CTNNA2: variants seen among roughly 807,000 people sequenced by gnomAD.
CTNNA2 encodes the protein catenin alpha-2.
Under a neutral mutation model 101.0 loss-of-function variants are expected in CTNNA2, and 42 were observed. The ratio of observed to expected loss-of-function variants is 0.42; its 90% CI spans 0.32 to 0.54. CTNNA2 has a LOEUF of 0.54. CTNNA2 is among the 20% of genes least tolerant of loss of function. The probability of loss-of-function intolerance (pLI) is 0.14; values close to 1 mark genes in which losing one functional copy is unlikely to be tolerated. For missense variants in CTNNA2, 871 were observed against 1,223.1 expected (o/e 0.71, Z 4.29); for synonymous variants, 450 against 456.4 (o/e 0.99, Z 0.18).
At chr2:79,817,191 AC>A (rs1677579671) in intron 3 of CTNNA2, among the ~76,000 whole-genome samples, 1 of 151,922 alleles carries the variant, frequency 6.6e-6, no homozygotes, top group African/African-American at 2.4e-5. Flanking sequence ...TCCCCCTACC[AC>A]AACCTCACAA....
At chr2:80,369,145 GC>G (rs757795971) in intron 7 of CTNNA2, among the ~76,000 whole-genome samples, 1 of 152,054 alleles carries the variant, frequency 6.6e-6, no homozygotes, top group Non-Finnish European at 1.5e-5. Flanking sequence ...AGTGAGAGGT[GC>G]CTGGGCAGAT....
At chr2:80,491,615 A>G (rs574583081) in intron 9 of CTNNA2, among the ~76,000 whole-genome samples, 8 of 152,334 alleles carry the variant, frequency 5.3e-5, no homozygotes, top group African/African-American at 1.7e-4. Context: ...AGAGGCAATT[A>G]GCTTTCCAGG....
intron 1 of CTNNA2, among the ~76,000 whole-genome samples, chr2:79,619,815 A>G (rs1392289820): frequency 2.0e-5 from 3 of 152,194 alleles, no homozygotes; most frequent in Non-Finnish European, 2.9e-5. Context: ...TTACACTTAA[A>G]TCCAGACATT....
chr2:79,779,446 T>G (rs1363707528), intron 3 of CTNNA2, among the ~76,000 whole-genome samples: 1 of 152,198 alleles, frequency 6.6e-6, no homozygotes, highest in Non-Finnish European at 1.5e-5. Flanking sequence ...ACTGCCTGCC[T>G]AGAGCATATA....
intron 4 of CTNNA2, among the ~76,000 whole-genome samples, chr2:79,387,624 G>A (rs538505616): frequency 2.2e-4 from 34 of 152,288 alleles, no homozygotes; most frequent in South Asian, 1.0e-3. Flanking sequence ...GGTTGGCACC[G>A]ACACTTCCAA....
At chr2:79,702,438 T>G (rs1378978940) in intron 2 of CTNNA2, among the ~76,000 whole-genome samples, 6 of 152,152 alleles carry the variant, frequency 3.9e-5, no homozygotes, top group Non-Finnish European at 8.8e-5. Context: ...CCTGAAAGAT[T>G]TGCTGTCTGG....
At chr2:80,529,356 T>C (rs1224477806) in intron 9 of CTNNA2, among the ~76,000 whole-genome samples, 2 of 152,220 alleles carry the variant, frequency 1.3e-5, no homozygotes, top group African/African-American at 2.4e-5. Context: ...TCATAGTTTA[T>C]AACTAAATAC....
At chr2:80,490,284 C>CA (rs200724584) in intron 9 of CTNNA2, among the ~76,000 whole-genome samples, 2 of 87,756 alleles carry the variant, frequency 2.3e-5, no homozygotes, top group Non-Finnish European at 3.9e-5. Flanking sequence ...CCCCCCACCC[C>CA]CCCCCCGGTA....
chr2:79,478,577 C>T (rs978658347), intron 4 of CTNNA2, among the ~76,000 whole-genome samples: 7 of 152,144 alleles, frequency 4.6e-5, no homozygotes, highest in African/African-American at 1.7e-4. Context: ...GCTTATGTTA[C>T]TTACCCAATT....
chr2:79,838,799 T>A (rs985690915), intron 3 of CTNNA2, among the ~76,000 whole-genome samples: 5 of 152,058 alleles, frequency 3.3e-5, no homozygotes, highest in African/African-American at 1.2e-4. Flanking sequence ...GTACTTTACA[T>A]GAATTCCGTG....
chr2:79,286,759 C>T (rs1431182745), intron 2 of CTNNA2, among the ~76,000 whole-genome samples: 8 of 151,968 alleles, frequency 5.3e-5, no homozygotes, highest in Admixed American at 4.6e-4. Context: ...CGAGGAGTAT[C>T]TTTGTGGCGT....
At chr2:80,134,144 C>A (rs1702562123) in intron 7 of CTNNA2, among the ~76,000 whole-genome samples, 1 of 152,114 alleles carries the variant, frequency 6.6e-6, no homozygotes, top group Admixed American at 6.6e-5. Flanking sequence ...TATTCTTCAA[C>A]TCTAGCTTCA....
intron 4 of CTNNA2, among the ~76,000 whole-genome samples, chr2:79,435,580 C>T (rs1221997635): frequency 6.6e-6 from 1 of 152,052 alleles, no homozygotes. Context: ...CTGGGTTATC[C>T]CTCTCAGATG....
At chr2:79,243,588 A>G (rs982200486) in intron 2 of CTNNA2, among the ~76,000 whole-genome samples, 2 of 152,214 alleles carry the variant, frequency 1.3e-5, no homozygotes, top group African/African-American at 4.8e-5. Context: ...GTGAAAACAC[A>G]AATACGTTTC....
intron 9 of CTNNA2, among the ~76,000 whole-genome samples, chr2:80,474,341 A>G (rs1177402943): frequency 6.6e-6 from 1 of 150,778 alleles, no homozygotes; most frequent in Non-Finnish European, 1.5e-5. Context: ...TCATGGTGCT[A>G]CACTGCCAGC....
At chr2:79,299,492 C>T (rs746332986) in intron 2 of CTNNA2, among the ~76,000 whole-genome samples, 5 of 152,114 alleles carry the variant, frequency 3.3e-5, no homozygotes, top group Non-Finnish European at 7.3e-5. Flanking sequence ...TCTCCTTTCC[C>T]GATTCTAAGA....
intron 7 of CTNNA2, among the ~76,000 whole-genome samples, chr2:80,058,558 C>CA (rs1278564454): frequency 6.6e-6 from 1 of 152,298 alleles, no homozygotes; most frequent in Admixed American, 6.5e-5. Flanking sequence ...GCCAACCCAG[C>CA]AAAATGTGTT....
At chr2:79,712,714 A>G (rs532473102) in intron 2 of CTNNA2, among the ~76,000 whole-genome samples, 143 of 152,300 alleles carry the variant, frequency 9.4e-4, no homozygotes, top group African/African-American at 3.1e-3. Flanking sequence ...TGGCCATGGC[A>G]TAGGTATATT....
At chr2:80,144,422 A>C (rs958763324) in intron 7 of CTNNA2, among the ~76,000 whole-genome samples, 3 of 152,204 alleles carry the variant, frequency 2.0e-5, no homozygotes, top group Non-Finnish European at 4.4e-5. Context: ...GTTTTATTTA[A>C]ATTCCTAAAG....
Sources: allele counts gnomAD v4.1 joint callset (sites outside exome capture counted in the v4.1 genomes callset), GRCh38; gene constraint gnomAD v4.1.1; transcripts MANE v1.5; gene names NCBI Gene and HGNC (gene_info 2026-07-23, HGNC 2026-07-21).